Variants in GSE1 observed in about 807,000 individuals in gnomAD.
GSE1 encodes the protein Gse1 coiled-coil protein.
GSE1 carries 32 observed loss-of-function variants against 112.6 expected under a neutral mutation model. The observed-to-expected ratio is 0.28, with a 90% CI of 0.21 to 0.38. The LOEUF (loss-of-function observed/expected upper bound fraction) is 0.38. GSE1 is among the 10% of genes least tolerant of loss of function. The pLI is 1.00. For missense variants in GSE1, 2,348 were observed against 1,699.2 expected, an observed-to-expected ratio of 1.38 and a Z score of -6.71; for synonymous variants, 1,115 against 735.6, an observed-to-expected ratio of 1.52 and a Z score of -8.35.
chr16:85,258,090 A>G (rs569413092), intron 1 of GSE1, among the ~76,000 whole-genome samples: 10 of 152,252 alleles, frequency 6.6e-5, no homozygotes, highest in African/African-American at 2.2e-4. Context: ...CATTCTACAG[A>G]TGGGTTGGGT....
intron 2 of GSE1, among the ~76,000 whole-genome samples, chr16:85,399,601 G>A (rs932484711): frequency 6.6e-6 from 1 of 152,122 alleles, no homozygotes; most frequent in Non-Finnish European, 1.5e-5. Context: ...TGCTTTCTTT[G>A]CCTGTAAAGT....
At chr16:85,431,006 T>C (rs373854290) in intron 2 of GSE1, among the ~76,000 whole-genome samples, 1 of 152,226 alleles carries the variant, frequency 6.6e-6, no homozygotes. Context: ...CGCAAGGCCC[T>C]GGGCTGAGGG....
At chr16:85,415,303 T>A (rs939390919) in intron 2 of GSE1, among the ~76,000 whole-genome samples, 5 of 152,148 alleles carry the variant, frequency 3.3e-5, no homozygotes, top group African/African-American at 1.2e-4. Context: ...GGGGAGGGAG[T>A]GTGTCCTCTT....
chr16:85,183,255 ACACT>A (rs1371981722), intron 1 of GSE1, among the ~76,000 whole-genome samples: 12 of 152,170 alleles, frequency 7.9e-5, no homozygotes, highest in East Asian at 1.9e-4. Context: ...TCATGCACAC[ACACT>A]CACATTCTTG....
chr16:85,425,029 G>C (rs1393140222), intron 2 of GSE1, among the ~76,000 whole-genome samples: 1 of 152,256 alleles, frequency 6.6e-6, no homozygotes, highest in African/African-American at 2.4e-5. Flanking sequence ...AGCAAGCTCC[G>C]AGCAGGCTGG....
intron 1 of GSE1, among the ~76,000 whole-genome samples, chr16:85,633,025 C>CGCT (rs2049676656): frequency 6.6e-6 from 1 of 152,184 alleles, no homozygotes; most frequent in African/African-American, 2.4e-5. Flanking sequence ...CCGCCGCCGC[C>CGCT]GCCGCTGTCA....
At chr16:85,244,435 C>A (rs1245036528) in intron 1 of GSE1, among the ~76,000 whole-genome samples, 1 of 152,188 alleles carries the variant, frequency 6.6e-6, no homozygotes, top group Non-Finnish European at 1.5e-5. Flanking sequence ...GAGACCTTAT[C>A]AGACTTCTGA....
At position 85,634,005 on chromosome 16, in the gene GSE1, G is replaced by A. The variant is rs756909155; in HGVS notation, c.99G>A (p.Pro33=). Residue 33 remains proline, a synonymous_variant, in exon 2 of 16, where the codon CCG becomes CCA. Coordinates refer to ENST00000253458, the MANE Select transcript of GSE1 (RefSeq NM_014615.5). ...CCGTCAACCCCCTCACCCCCTCGCC[G>A]CTCAATGGCGCCCTGGTGCCCAGCG... is the stretch of plus-strand genomic sequence containing the variant. The part of the protein sequence containing the change: ...TATVNPLTPS[P]LNGALVPSGS... 4.3e-6 allele frequency: 7 copies of A among 1,612,344 alleles called. No homozygotes were observed. Among genetic ancestry groups the A allele is most frequent in the East Asian group, 2.2e-5 (1 of 44,854 alleles).
At chr16:85,302,943 T>A (rs1365154483) in intron 1 of GSE1, among the ~76,000 whole-genome samples, 1 of 152,046 alleles carries the variant, frequency 6.6e-6, no homozygotes, top group Non-Finnish European at 1.5e-5. Flanking sequence ...TGACTCGGGG[T>A]CCGGTTTCCC....
intron 1 of GSE1, among the ~76,000 whole-genome samples, chr16:85,589,697 T>G (rs756028246): frequency 6.6e-6 from 1 of 152,038 alleles, no homozygotes; most frequent in Non-Finnish European, 1.5e-5. Context: ...GAACGTGAGA[T>G]ATTGTGTGTG....
At chr16:85,588,137 G>T (rs1268397529) in intron 1 of GSE1, among the ~76,000 whole-genome samples, 1 of 152,176 alleles carries the variant, frequency 6.6e-6, no homozygotes, top group African/African-American at 2.4e-5. Flanking sequence ...CTTCACTGGG[G>T]TGAGCCCCTC....
intron 14 of GSE1, 108 bp downstream of exon 14, chr16:85,668,532 C>G: frequency 1.4e-6 from 1 of 738,950 alleles, no homozygotes; most frequent in Non-Finnish European, 2.2e-6. Flanking sequence ...GACTGTTTCT[C>G]CGTCCTGGGG....
Position 85,654,945 on chromosome 16 carries a change from C to T in GSE1, c.751C>T (p.His251Tyr), listed in dbSNP as rs2051786993. 6.2e-7 allele frequency: 1 copy of T among 1,610,136 alleles called. No individual in the cohort carries two copies. Among genetic ancestry groups the T allele is most frequent in the Non-Finnish European group, 8.5e-7 (1 of 1,179,344 alleles). ...LDPATAAAYY[H>Y]PSYLAPHPFP... ...CCCGGCCACTGCTGCAGCCTACTAC[C>T]ACCCCAGCTACCTGGCCCCACACCC... The change falls in exon 5 of 16, where the codon CAC (histidine) becomes TAC (tyrosine). Residue 251 changes from histidine (H) to tyrosine (Y), a missense_variant. Transcript: ENST00000253458.
At chr16:85,645,426 C>G (rs2050773388) in intron 2 of GSE1, among the ~76,000 whole-genome samples, 2 of 152,144 alleles carry the variant, frequency 1.3e-5, no homozygotes, top group African/African-American at 4.8e-5. Flanking sequence ...AGGTTGCACA[C>G]AAGCCCAGGA....
At chr16:85,568,487 A>T (rs990676165) in intron 1 of GSE1, among the ~76,000 whole-genome samples, 2 of 152,248 alleles carry the variant, frequency 1.3e-5, no homozygotes, top group African/African-American at 4.8e-5. Context: ...CTAATGAGCT[A>T]TGTCTGATTT....
In GSE1 at chr16:85,270,279, G is replaced by A. The variant is rs533335681; in HGVS notation, c.2284-87184G>A. Among the ~76,000 whole-genome samples the A allele has an allele frequency of 2.0e-5, 3 of 148,994 alleles. 1 individual carries two copies. Among genetic ancestry groups the A allele is most frequent in the African/African-American group, 2.4e-5 (1 of 41,216 alleles). ...AGAACCACCCAGGCTCCCAGCACAT[G>A]CCTCTCTGTTGAGGCCCAGGTGATG... On this transcript the variant is annotated intron_variant, in intron 1 of 2. Transcript: ENST00000637419.
chr16:85,541,450 C>T (rs536749554), intron 2 of GSE1, among the ~76,000 whole-genome samples: 1 of 152,270 alleles, frequency 6.6e-6, no homozygotes. Context: ...TCCCCACTGC[C>T]CCAGCTGAGC....
chr16:85,294,643 C>CTCTCTCTCTCTCTCTG (rs1483068673), intron 1 of GSE1, among the ~76,000 whole-genome samples: 1 of 131,862 alleles, frequency 7.6e-6, no homozygotes, highest in African/African-American at 3.1e-5. Flanking sequence ...CTCTCTCTCT[C>CTCTCTCTCTCTCTCTG]TCTCTCTCTC....
At chr16:85,364,654 G>A (rs75905102) in intron 2 of GSE1, among the ~76,000 whole-genome samples, 7,226 of 152,104 alleles carry the variant, frequency 0.048, 561 homozygotes, top group African/African-American at 0.16. Context: ...CATCACCAGC[G>A]GGCACGGGCA....
Sources: allele counts gnomAD v4.1 joint callset (sites outside exome capture counted in the v4.1 genomes callset), GRCh38; gene constraint gnomAD v4.1.1; transcripts MANE v1.5; gene names NCBI Gene and HGNC (gene_info 2026-07-23, HGNC 2026-07-21).